The following ZFHX3 variants were observed in gnomAD, a reference collection of about 807,000 sequenced individuals.
ZFHX3 encodes zinc finger homeobox 3, also known as zinc finger homeobox protein 3.
Under a neutral mutation model 279.1 loss-of-function variants are expected in ZFHX3, and 42 were observed. The ratio of observed to expected loss-of-function variants is 0.15; its 90% CI spans 0.12 to 0.19. The LOEUF is 0.19. ZFHX3 is among the 10% of genes least tolerant of loss of function. The pLI is 1.00. For missense variants in ZFHX3, 4,981 were observed against 4,754.0 expected (o/e 1.05, Z -1.40); for synonymous variants, 2,293 against 1,957.8 (o/e 1.17, Z -4.52).
chr16:73,053,012 C>T (rs1597137840), upstream of ZFHX3, among the ~76,000 whole-genome samples: 1 of 152,172 alleles, frequency 6.6e-6, no homozygotes, highest in African/African-American at 2.4e-5. Flanking sequence ...ACTTGGAAAG[C>T]GGCTCAGGGA....
chr16:72,930,540 A>C (rs1959730536), intron 3 of ZFHX3, among the ~76,000 whole-genome samples: 1 of 152,220 alleles, frequency 6.6e-6, no homozygotes, highest in Non-Finnish European at 1.5e-5. Flanking sequence ...ATCTGAACAC[A>C]ACCCGCTTGT....
intron 2 of ZFHX3, among the ~76,000 whole-genome samples, chr16:73,506,661 C>T (rs191396078): frequency 2.2e-4 from 33 of 152,202 alleles, no homozygotes; most frequent in Non-Finnish European, 3.5e-4. Context: ...TAGCCCTGAC[C>T]GCGACCAATC....
intron 9 of ZFHX3, 185 bp from the exon 10 acceptor site, chr16:72,789,033 T>C: frequency 1.4e-6 from 1 of 702,570 alleles, no homozygotes; most frequent in Middle Eastern, 4.1e-4. Context: ...TGTATTCTAA[T>C]GAGGACTCAG....
At chr16:73,403,422 G>GTGCATC (rs1214389939) in intron 3 of ZFHX3, among the ~76,000 whole-genome samples, 1 of 152,176 alleles carries the variant, frequency 6.6e-6, no homozygotes, top group African/African-American at 2.4e-5. Flanking sequence ...GTATGCAATT[G>GTGCATC]TGCATCTGCA....
intron 1 of ZFHX3, among the ~76,000 whole-genome samples, chr16:73,728,796 G>A (rs1438083054): frequency 1.5e-5 from 2 of 136,826 alleles, no homozygotes; most frequent in African/African-American, 5.6e-5. Context: ...TTACCTTAAT[G>A]CTAAGAATAA....
intron 1 of ZFHX3, among the ~76,000 whole-genome samples, chr16:73,806,535 A>G (rs1380242409): frequency 6.6e-6 from 1 of 151,948 alleles, no homozygotes; most frequent in Non-Finnish European, 1.5e-5. Context: ...GGTGTTCCCA[A>G]GAAGGGCAAG....
At chr16:73,406,476 C>T (rs2017362995) in intron 3 of ZFHX3, among the ~76,000 whole-genome samples, 1 of 152,202 alleles carries the variant, frequency 6.6e-6, no homozygotes, top group Non-Finnish European at 1.5e-5. Context: ...CTATTTGATA[C>T]TTAGTAAGTT....
In ZFHX3 at chr16:73,754,758, GA is replaced by G. The variant is rs200089304; in HGVS notation, c.-1607-74519del. ...AGGGAAGACACGAACTTTACATGAAGAAAAAAAAAGGAGAGATTAATGACAG... is the reference window on the plus strand; with the variant it reads ...AGGGAAGACACGAACTTTACATGAAGAAAAAAAAGGAGAGATTAATGACAG... On this transcript the variant is annotated intron_variant, in intron 1 of 17. Transcript: ENST00000641206. Among the ~76,000 whole-genome samples the G allele has an allele frequency of 6.7e-5, 10 of 150,012 alleles. No homozygotes were observed. In the East Asian group the frequency reaches 1.4e-3, roughly 20 times the overall value.
chr16:73,788,464 A>G (rs1959726467), intron 1 of ZFHX3, among the ~76,000 whole-genome samples: 2 of 152,128 alleles, frequency 1.3e-5, no homozygotes, highest in Admixed American at 1.3e-4. Context: ...TACCCAAATT[A>G]TTATACAAAG....
At chr16:72,892,514 T>G (rs2038798667) in intron 3 of ZFHX3, among the ~76,000 whole-genome samples, 1 of 151,558 alleles carries the variant, frequency 6.6e-6, no homozygotes, top group African/African-American at 2.4e-5. Flanking sequence ...TTATTGGTTT[T>G]TTTTTTTTTT....
intron 2 of ZFHX3, among the ~76,000 whole-genome samples, chr16:73,666,756 A>G (rs1408704879): frequency 6.6e-6 from 1 of 151,560 alleles, no homozygotes; most frequent in Non-Finnish European, 1.5e-5. Flanking sequence ...ATCCCCTTGT[A>G]CTCTCAAGTC....
chr16:73,189,433 T>C (rs1967982066), intron 5 of ZFHX3, among the ~76,000 whole-genome samples: 1 of 152,204 alleles, frequency 6.6e-6, no homozygotes. Context: ...ATAACAAATG[T>C]ACTACAGGGA....
chr16:73,689,289 G>C (rs2053122851), intron 1 of ZFHX3, among the ~76,000 whole-genome samples: 2 of 152,162 alleles, frequency 1.3e-5, no homozygotes, highest in South Asian at 4.1e-4. Context: ...GGGACAGGGG[G>C]GTTTTAGGAA....
At position 72,829,835 on chromosome 16, in the gene ZFHX3, C is replaced by T. The variant is rs867331870; in HGVS notation, c.3473G>A (p.Gly1158Glu). The T allele has an allele frequency of 6.2e-7, 1 of 1,614,042 alleles. No homozygotes were observed. Among genetic ancestry groups the T allele is most frequent in the Non-Finnish European group, 8.5e-7 (1 of 1,180,038 alleles). ...TGGATCAGCAGCTGTTTCACTGGGT[C>T]CTTCAACATCTTCAATGGCTTCTTC... ...DPEEAIEDVE[G>E]PSETAADPEE... The change falls in exon 5 of 10, where the codon GGA (glycine) becomes GAA (glutamate). Residue 1158 changes from glycine (G) to glutamate (E), a missense_variant. By Grantham distance (98) the Gly-to-Glu change is moderately conservative. This residue lies in a region of ZFHX3 where 1,751 missense variants were observed against 1,770.0 expected (regional missense o/e 0.99). Transcript: ENST00000268489.
At chr16:73,466,515 C>T (rs1395279158) in intron 2 of ZFHX3, among the ~76,000 whole-genome samples, 3 of 152,132 alleles carry the variant, frequency 2.0e-5, no homozygotes, top group African/African-American at 2.4e-5. Context: ...CAAAACCCCA[C>T]ATCTAGAAGA....
At chr16:73,010,275 G>C (rs560490392) in intron 1 of ZFHX3, among the ~76,000 whole-genome samples, 1 of 152,112 alleles carries the variant, frequency 6.6e-6, no homozygotes, top group African/African-American at 2.4e-5. Context: ...CACCTGCATC[G>C]CCCGTGTGCC....
intron 1 of ZFHX3, among the ~76,000 whole-genome samples, chr16:73,792,914 ATGGTT>A (rs1053060574): frequency 1.8e-4 from 26 of 142,190 alleles, no homozygotes; most frequent in Admixed American, 3.7e-4. Context: ...CAACTTCTGT[ATGGTT>A]TGGGGTTGAC....
intron 7 of ZFHX3, among the ~76,000 whole-genome samples, chr16:72,804,318 A>G (rs983015618): frequency 6.6e-6 from 1 of 152,248 alleles, no homozygotes; most frequent in African/African-American, 2.4e-5. Flanking sequence ...AGATGCAGAG[A>G]GCCAGACAAA....
intron 3 of ZFHX3, among the ~76,000 whole-genome samples, chr16:73,349,605 C>T (rs1045713452): frequency 2.1e-5 from 3 of 141,868 alleles, no homozygotes; most frequent in Admixed American, 6.8e-5. Flanking sequence ...TCTCTCTCTC[C>T]CTTACTTCCT....
Sources: gnomAD v4.1 joint callset for allele counts (sites outside exome capture counted in the v4.1 genomes callset) on GRCh38, gnomAD v4.1.1 for gene constraint, gnomAD v4.1.1 regional missense constraint, MANE v1.5 for transcripts, NCBI Gene and HGNC (gene_info 2026-07-23, HGNC 2026-07-21) for gene names.